TENM4: variants seen among roughly 807,000 people sequenced by gnomAD.
The protein encoded by TENM4 is teneurin-4.
In TENM4, 82 loss-of-function variants were observed where a neutral mutation model predicts 243.3. That is an observed-to-expected ratio of 0.34 (90% CI 0.28 to 0.40). TENM4 has a LOEUF of 0.40. TENM4 is among the 10% of genes least tolerant of loss of function. TENM4 has a pLI of 1.00. For missense variants in TENM4, 3,138 were observed against 3,673.3 expected, an observed-to-expected ratio of 0.85 and a Z score of 3.77; for synonymous variants, 1,412 against 1,456.3, an observed-to-expected ratio of 0.97 and a Z score of 0.69.
intron 3 of TENM4, among the ~76,000 whole-genome samples, chr11:79,162,343 C>G (rs1337357854): frequency 6.6e-6 from 1 of 152,120 alleles, no homozygotes; most frequent in Non-Finnish European, 1.5e-5. Context: ...TAGTACCTAC[C>G]TTATAGAAAT....
At chr11:79,024,020 A>G (rs1859005036) in intron 6 of TENM4, among the ~76,000 whole-genome samples, 1 of 152,262 alleles carries the variant, frequency 6.6e-6, no homozygotes. Context: ...TTCAGTTAGA[A>G]AGTAGGGGAA....
At chr11:79,149,914 A>G (rs1862470384) in intron 3 of TENM4, among the ~76,000 whole-genome samples, 1 of 152,198 alleles carries the variant, frequency 6.6e-6, no homozygotes, top group Non-Finnish European at 1.5e-5. Context: ...CAGTATCACT[A>G]ACAATGCCCT....
chr11:79,164,807 G>A (rs1011253614), intron 3 of TENM4, among the ~76,000 whole-genome samples: 8 of 151,650 alleles, frequency 5.3e-5, no homozygotes, highest in Non-Finnish European at 1.2e-4. Flanking sequence ...TTCTCTTGCT[G>A]CCACCAGGTA....
intron 6 of TENM4, among the ~76,000 whole-genome samples, chr11:78,954,060 T>A (rs1159277860): frequency 6.6e-6 from 1 of 152,176 alleles, no homozygotes; most frequent in Non-Finnish European, 1.5e-5. Context: ...CCTATATAAA[T>A]AATGGCAGTT....
At chr11:78,684,205 G>T (rs1488972952) in intron 29 of TENM4, among the ~76,000 whole-genome samples, 1 of 152,226 alleles carries the variant, frequency 6.6e-6, no homozygotes, top group Non-Finnish European at 1.5e-5. Context: ...CAGAGATTAG[G>T]AGCTTGGCTT....
At chr11:78,736,480 G>GTGTGTGTGCGCGCGCGCA (rs56929696) in intron 20 of TENM4, among the ~76,000 whole-genome samples, 2 of 120,340 alleles carry the variant, frequency 1.7e-5, no homozygotes, top group African/African-American at 1.5e-4. Flanking sequence ...GTGTGTGTGT[G>GTGTGTGTGCGCGCGCGCA]CGCGCGCGTG....
At chr11:79,185,163 T>C (rs954574398) in intron 3 of TENM4, among the ~76,000 whole-genome samples, 1 of 152,092 alleles carries the variant, frequency 6.6e-6, no homozygotes, top group African/African-American at 2.4e-5. Context: ...CTGGATGTGG[T>C]GGCACATGCC....
chr11:78,773,387 G>A (rs1210996259), intron 17 of TENM4, among the ~76,000 whole-genome samples: 2 of 152,138 alleles, frequency 1.3e-5, no homozygotes, highest in African/African-American at 4.8e-5. Context: ...GTTAAGTAAG[G>A]TATGCATGAT....
At chr11:79,303,579 G>A (rs1856582559) in intron 1 of TENM4, among the ~76,000 whole-genome samples, 1 of 152,156 alleles carries the variant, frequency 6.6e-6, no homozygotes, top group African/African-American at 2.4e-5. Context: ...AGTGAGTTAA[G>A]TACTATTATT....
intron 6 of TENM4, among the ~76,000 whole-genome samples, chr11:79,022,600 G>A (rs1858961683): frequency 6.6e-6 from 1 of 152,098 alleles, no homozygotes; most frequent in South Asian, 2.1e-4. Flanking sequence ...GGTCCTGTCT[G>A]GAAATGCAAT....
chr11:78,921,018 T>C (rs1415178366), intron 6 of TENM4, among the ~76,000 whole-genome samples: 1 of 152,238 alleles, frequency 6.6e-6, no homozygotes, highest in African/African-American at 2.4e-5. Context: ...ATTTCACGAA[T>C]GAGGAAACTG....
At position 78,795,566 on chromosome 11, in the gene TENM4, T is replaced by G. The variant is rs144424250; in HGVS notation, c.2180-8483A>C. On this transcript the variant is annotated intron_variant, in intron 15 of 33. Transcript: ENST00000278550. ...TTAAAAATATACTGAGCATCTACTA[T>G]GTGACAGATAGGCCTAGGGGCTGAG... Among the ~76,000 whole-genome samples the G allele has an allele frequency of 3.0e-4, 45 of 152,304 alleles. 1 individual carries two copies. In the East Asian group the frequency reaches 8.7e-3, roughly 29 times the overall value.
chr11:79,436,296 C>T (rs1399214324), intron 1 of TENM4, among the ~76,000 whole-genome samples: 3 of 152,032 alleles, frequency 2.0e-5, no homozygotes, highest in African/African-American at 7.2e-5. Context: ...ATTGCTATAA[C>T]GGACGTTATT....
At chr11:79,408,085 G>A (rs549799338) in intron 1 of TENM4, among the ~76,000 whole-genome samples, 1 of 152,090 alleles carries the variant, frequency 6.6e-6, no homozygotes, top group Admixed American at 6.5e-5. Flanking sequence ...TGTATTTTTA[G>A]TACAGACATG....
At chr11:79,153,616 G>A (rs538426426) in intron 3 of TENM4, among the ~76,000 whole-genome samples, 40 of 152,306 alleles carry the variant, frequency 2.6e-4, no homozygotes, top group South Asian at 1.0e-3. Context: ...TGGCCAGGCA[G>A]TGTGGGAAAC....
chr11:79,055,160 A>C (rs1268914254), intron 6 of TENM4, among the ~76,000 whole-genome samples: 1 of 152,042 alleles, frequency 6.6e-6, no homozygotes, highest in Non-Finnish European at 1.5e-5. Context: ...TGGAATAAAA[A>C]GTTTACAAAA....
rs1858352902 is a variant in TENM4 at position 78,672,319 on chromosome 11, C to T, written c.5507G>A (p.Arg1836Gln). ...VFGRRLRVHNRNLLSLDFDRV... is the reference protein window; with the variant it reads ...VFGRRLRVHNQNLLSLDFDRV... ...ATCAAAGTCCAGAGATAGGAGATTT[C>T]GGTTGTGAACCTGGAGAAAGGGTTG... The change falls in exon 31 of 34, where the codon CGA (arginine) becomes CAA (glutamine). Residue 1836 changes from arginine (R) to glutamine (Q), a missense_variant. Around this residue, in one of 2 missense-constraint regions of TENM4, gnomAD observed 2,467 missense variants for 3,059.1 expected, o/e 0.81. Coordinates refer to ENST00000278550, the MANE Select transcript of TENM4 (RefSeq NM_001098816.3). 1.2e-6 allele frequency: 2 copies of T among 1,606,566 alleles called. No homozygotes were observed. Among genetic ancestry groups the T allele is most frequent in the Non-Finnish European group, 1.7e-6 (2 of 1,173,706 alleles).
At chr11:79,025,006 T>C (rs757427261) in intron 6 of TENM4, among the ~76,000 whole-genome samples, 16 of 152,138 alleles carry the variant, frequency 1.1e-4, no homozygotes, top group Non-Finnish European at 8.8e-5. Context: ...CAACATCCCT[T>C]GAAAAACCTG....
chr11:78,844,070 T>C (rs1858326422), intron 12 of TENM4, among the ~76,000 whole-genome samples: 1 of 152,220 alleles, frequency 6.6e-6, no homozygotes, highest in South Asian at 2.1e-4. Context: ...CTCGGCTTTA[T>C]GTTGTGTGAG....
Sources: allele counts gnomAD v4.1 joint callset (sites outside exome capture counted in the v4.1 genomes callset), GRCh38; gene constraint gnomAD v4.1.1; regional missense constraint gnomAD v4.1.1; transcripts MANE v1.5; gene names NCBI Gene and HGNC (gene_info 2026-07-23, HGNC 2026-07-21).